GZMM: variants seen among roughly 807,000 people sequenced by gnomAD.
GZMM encodes the protein HU-Met-1.
A neutral mutation model predicts 19.2 loss-of-function variants in GZMM; 23 were observed. The ratio of observed to expected loss-of-function variants is 1.20; its 90% CI spans 0.86 to 1.69. The LOEUF (loss-of-function observed/expected upper bound fraction) is 1.69. GZMM is among the 40% of genes most tolerant of loss of function. The pLI, the probability that GZMM is intolerant of heterozygous loss-of-function variation, is 0.00. For synonymous variants in GZMM, 178 were observed against 160.2 expected (o/e 1.11, Z -0.84); for missense variants, 373 against 352.2 (o/e 1.06, Z -0.47).
In GZMM at chr19:547,390, G is replaced by A. The variant is rs774142092; in HGVS notation, c.166G>A (p.Val56Met). The change falls in exon 2 of 5, where the codon GTG becomes ATG. Residue 56 changes from valine to methionine, a missense_variant. Transcript: ENST00000264553. ...NGSHLCGGVL[V>M]HPKWVLTAAH... Reference sequence around the variant, plus strand: ...CTCCCACCTGTGCGGGGGTGTCCTGGTGCACCCAAAGTGGGTGCTGACGGC... The same window carrying A: ...CTCCCACCTGTGCGGGGGTGTCCTGATGCACCCAAAGTGGGTGCTGACGGC... 3.3e-6 allele frequency: 5 copies of A among 1,533,404 alleles called. No individual in the cohort carries two copies. Among genetic ancestry groups the A allele is most frequent in the Non-Finnish European group, 1.8e-6 (2 of 1,140,516 alleles). The allele number at this position is 1,533,404 out of a possible 1,614,324, so 95.0% of individuals were successfully genotyped here. A position where few individuals can be genotyped will look rare whatever the true frequency, so the allele number is the denominator to read the frequency against.
intron 1 of GZMM, among the ~76,000 whole-genome samples, chr19:545,373 C>G (rs118178774): frequency 0.026 from 3,936 of 152,210 alleles, 149 homozygotes; most frequent in African/African-American, 0.079. Flanking sequence ...CACAGCTAGA[C>G]TTGCACTCTT....
In GZMM at chr19:548,622, A is replaced by G. The variant is rs1568335907; in HGVS notation, c.293A>G (p.Gln98Arg). 6.2e-7 allele frequency: 1 copy of G among 1,613,478 alleles called. No homozygotes were observed. Among genetic ancestry groups the G allele is most frequent in the Admixed American group, 1.7e-5 (1 of 59,986 alleles). The change falls in exon 3 of 5, where the codon CAG becomes CGG. Residue 98 changes from glutamine to arginine, a missense_variant. Coordinates refer to ENST00000264553, the MANE Select transcript of GZMM (RefSeq NM_005317.4). ...GLTFHIKAAI[Q>R]HPRYKPVPAL... is the part of the protein sequence containing the mutation. ...ACCTTCCACATCAAGGCAGCCATCC[A>G]GCACCCTCGCTACAAGCCCGTCCCT...
intron 3 of GZMM, 104 bp downstream of exon 3, chr19:548,781 T>C (rs1352906460): frequency 1.4e-5 from 5 of 353,136 alleles, no homozygotes; most frequent in Admixed American, 4.8e-5. Context: ...CCCCCCGCAC[T>C]GCTGCCCCTC....
At position 549,849 on chromosome 19, in the gene GZMM, G is replaced by GTT; in HGVS notation, c.*59_*60insTT. 1 of 982,494 alleles carries GTT rather than the reference G, an allele frequency of 1.0e-6. No homozygotes were observed. Among genetic ancestry groups the GTT allele is most frequent in the Non-Finnish European group, 1.5e-6 (1 of 661,614 alleles). 60.9% of individuals were successfully genotyped at this position (982,494 alleles called of 1,614,324 possible). A position where few individuals can be genotyped will look rare whatever the true frequency, so the allele number is the denominator to read the frequency against. On this transcript the variant is annotated 3_prime_UTR_variant, in exon 5 of 5. Coordinates refer to ENST00000264553, the MANE Select transcript of GZMM (RefSeq NM_005317.4). ...TCCACAGGACCCTTCCCCTCCAGGG[G>GTT]TGCAGTGGGGTGGGTGAGGACGGGT... is the stretch of plus-strand genomic sequence containing the variant.
chr19:545,173 C>G (rs1980227709), intron 1 of GZMM, among the ~76,000 whole-genome samples: 1 of 151,962 alleles, frequency 6.6e-6, no homozygotes, highest in Non-Finnish European at 1.5e-5. Flanking sequence ...TAGGCCTGCC[C>G]TCCTGTCTGA....
rs59235301 is a variant in GZMM, at chr19:549,077, C to T, written c.504C>T (p.Leu168=). The change falls in exon 4 of 5, where the codon CTC becomes CTT. Residue 168 remains leucine, a synonymous_variant. Coordinates refer to ENST00000264553, the MANE Select transcript of GZMM (RefSeq NM_005317.4). The stretch of plus-strand genomic sequence containing the variant: ...CCCGGGTGCTGCGGGAGCTGGACCT[C>T]CAAGTGCTGGACACCCGCATGTGTA... ...RLSRVLRELD[L]QVLDTRMCNN... The T allele has an allele frequency of 2.2e-3, 3,569 of 1,589,754 alleles. 64 individuals carry two copies. In the African/African-American group the frequency reaches 0.041, roughly 18 times the overall value.
At chr19:549,512 C>T (rs970822731) in intron 4 of GZMM, 118 bp from the exon 5 acceptor site, 2 of 1,069,556 alleles carry the variant, frequency 1.9e-6, no homozygotes, top group Non-Finnish European at 2.6e-6. Flanking sequence ...CGGGAGCAGC[C>T]CCTGTGTCTC....
rs151036435 is a variant in GZMM, at chr19:549,781, G to A, written c.764G>A (p.Arg255Gln). The change falls in exon 5 of 5, where the codon CGA becomes CAA. Residue 255 changes from arginine (R) to glutamine (Q), a missense_variant. By Grantham distance (43) the Arg-to-Gln change is conservative. Coordinates refer to ENST00000264553, the MANE Select transcript of GZMM (RefSeq NM_005317.4). ...TCCTGGATCAGGAAGGTCACCGGCC[G>A]ATCGGCCTGATGCCCTGGGGTGATG... ...YVSWIRKVTG[R>Q]SA 6.9e-4 allele frequency: 1,036 copies of A among 1,506,000 alleles called. 8 individuals are homozygous for A. Among genetic ancestry groups the A allele is most frequent in the South Asian group, 1.9e-3 (169 of 89,914 alleles). The allele number at this position is 1,506,000 out of a possible 1,614,324, so 93.3% of individuals were successfully genotyped here.
chr19:546,392 T>A (rs1035113568), intron 1 of GZMM, among the ~76,000 whole-genome samples: 3 of 150,572 alleles, frequency 2.0e-5, no homozygotes, highest in African/African-American at 7.3e-5. Context: ...TACAAAAAAA[T>A]TAGCCGGACG....
At chr19:545,508 G>C (rs549083683) in intron 1 of GZMM, among the ~76,000 whole-genome samples, 7 of 149,646 alleles carry the variant, frequency 4.7e-5, no homozygotes, top group East Asian at 4.0e-4. Flanking sequence ...CCACCATGCC[G>C]GGCTAATTTT....
Position 548,529 on chromosome 19 carries a change from C to T in GZMM, c.213-13C>T, listed in dbSNP as rs1980372290. On this transcript the variant is annotated splice_polypyrimidine_tract_variant and intron_variant, in intron 2 of 4. Transcript: ENST00000264553. ...GGGCCAGGCCGCAGCACCCTGATTC[C>T]CTCTGTCCCCAGGATGGCCCAGCTG... 5 of 1,612,498 alleles carry T rather than the reference C, an allele frequency of 3.1e-6. No individual in the cohort carries two copies. Among genetic ancestry groups the T allele is most frequent in the Non-Finnish European group, 3.4e-6 (4 of 1,179,434 alleles).
intron 3 of GZMM, 34 bp from the exon 4 acceptor site, chr19:548,888 C>T (rs1980397588): frequency 1.4e-6 from 2 of 1,476,652 alleles, no homozygotes; most frequent in East Asian, 2.4e-5. Flanking sequence ...TCACCCCCTC[C>T]CCCTGCTCAC....
At position 546,148 on chromosome 19, in the gene GZMM, A is replaced by G. The variant is rs1980273068; in HGVS notation, c.56-1132A>G. 2.0e-5 allele frequency among the ~76,000 whole-genome samples: 3 copies of G among 152,370 alleles called. No individual in the cohort carries two copies. In the South Asian group the frequency reaches 6.2e-4, roughly 32 times the overall value. On this transcript the variant is annotated intron_variant, in intron 1 of 4. Transcript: ENST00000264553. ...AAGATTTTGAGCTGATTTACGTTACATTATGAAATCAATCCTTTTATATTT... is the reference window on the plus strand; with the variant it reads ...AAGATTTTGAGCTGATTTACGTTACGTTATGAAATCAATCCTTTTATATTT...
intron 1 of GZMM, among the ~76,000 whole-genome samples, chr19:546,159 A>G (rs5027244): frequency 0.88 from 134,540 of 152,110 alleles, 60,237 homozygotes; most frequent in South Asian, 0.98. Flanking sequence ...TTATGAAATC[A>G]ATCCTTTTAT....
At chr19:549,497 T>G in intron 4 of GZMM, 133 bp from the exon 5 acceptor site, 1 of 929,484 alleles carries the variant, frequency 1.1e-6, no homozygotes, top group Non-Finnish European at 1.6e-6. Flanking sequence ...GGGACACGCG[T>G]GGGCCGGGAG....
chr19:544,861 C>G (rs907089374), intron 1 of GZMM, among the ~76,000 whole-genome samples: 1 of 150,310 alleles, frequency 6.7e-6, no homozygotes, highest in Admixed American at 6.6e-5. Flanking sequence ...TCCCTCCTTT[C>G]GTTCCCCCTT....
At chr19:545,738 G>A (rs1428815738) in intron 1 of GZMM, among the ~76,000 whole-genome samples, 1 of 151,436 alleles carries the variant, frequency 6.6e-6, no homozygotes, top group Non-Finnish European at 1.5e-5. Flanking sequence ...CTGCCTCCCG[G>A]GTTCAAGCGA....
intron 3 of GZMM, 37 bp from the exon 4 acceptor site, chr19:548,885 C>T (rs1568336095): frequency 1.4e-6 from 2 of 1,457,864 alleles, no homozygotes; most frequent in Admixed American, 2.3e-5. Flanking sequence ...CTCTCACCCC[C>T]TCCCCCTGCT....
intron 2 of GZMM, among the ~76,000 whole-genome samples, chr19:547,868 C>T (rs964237720): frequency 6.6e-6 from 1 of 152,106 alleles, no homozygotes; most frequent in Non-Finnish European, 1.5e-5. Flanking sequence ...ACCTGGTTCC[C>T]GGGGATCAGG....
Sources: gnomAD v4.1 joint callset for allele counts (sites outside exome capture counted in the v4.1 genomes callset) on GRCh38, gnomAD v4.1.1 for gene constraint, MANE v1.5 for transcripts, NCBI Gene and HGNC (gene_info 2026-07-23, HGNC 2026-07-21) for gene names.